DOCK2: variants seen among roughly 807,000 people sequenced by gnomAD.
DOCK2 encodes the protein dedicator of cytokinesis 2, also known as dedicator of cytokinesis protein 2.
In DOCK2, 87 loss-of-function variants were observed where a neutral mutation model predicts 248.9. The ratio of observed to expected loss-of-function variants is 0.35; its 90% CI spans 0.29 to 0.42. The LOEUF is 0.42. Among genes scored for constraint, DOCK2 ranks in the 10% least tolerant of loss-of-function variants. The pLI is 1.00. For synonymous variants in DOCK2, 805 were observed against 821.6 expected (o/e 0.98, Z 0.35); for missense variants, 1,747 against 2,300.2 (o/e 0.76, Z 4.92).
intron 30 of DOCK2, among the ~76,000 whole-genome samples, chr5:170,005,056 TTAAAG>T (rs1754974509): frequency 8.0e-6 from 1 of 124,324 alleles, no homozygotes; most frequent in South Asian, 2.4e-4. Flanking sequence ...ACCCTAAAAC[TTAAAG>T]TATAATAAAA....
intron 14 of DOCK2, chr5:169,703,809 G>C (rs1055472759): frequency 1.3e-5 from 2 of 152,188 alleles, no homozygotes; most frequent in Non-Finnish European, 2.9e-5. Flanking sequence ...TTATCTGAAA[G>C]GGAAATTGCA....
intron 27 of DOCK2, among the ~76,000 whole-genome samples, chr5:169,868,418 A>T (rs2113444854): frequency 6.6e-6 from 1 of 152,286 alleles, no homozygotes; most frequent in Non-Finnish European, 1.5e-5. Context: ...AACAATGACA[A>T]CAAACCAGCT....
intron 27 of DOCK2, among the ~76,000 whole-genome samples, chr5:169,868,886 C>T (rs1771765636): frequency 6.6e-6 from 1 of 152,148 alleles, no homozygotes; most frequent in Non-Finnish European, 1.5e-5. Context: ...AAGCCCAGCC[C>T]AACATAGAGG....
chr5:169,772,007 C>T (rs944907546), intron 25 of DOCK2, among the ~76,000 whole-genome samples: 3 of 152,196 alleles, frequency 2.0e-5, no homozygotes, highest in African/African-American at 7.2e-5. Context: ...GACAGTTTCT[C>T]CTTTCTCCAT....
intron 12 of DOCK2, 104 bp downstream of exon 12, chr5:169,699,562 C>T: frequency 9.0e-7 from 1 of 1,114,342 alleles, no homozygotes; most frequent in Non-Finnish European, 1.3e-6. Flanking sequence ...CTTAGCTTTC[C>T]TTCCAGACAG....
intron 27 of DOCK2, among the ~76,000 whole-genome samples, chr5:169,905,099 G>A (rs1484814395): frequency 6.6e-6 from 1 of 152,308 alleles, no homozygotes; most frequent in East Asian, 1.9e-4. Context: ...CAGTAAATAT[G>A]AGGTGCTGGC....
intron 47 of DOCK2, among the ~76,000 whole-genome samples, chr5:170,076,761 C>A (rs936945687): frequency 3.9e-5 from 6 of 152,198 alleles, no homozygotes; most frequent in African/African-American, 1.4e-4. Context: ...ACTGGAAGAA[C>A]CTACAGATGC....
At chr5:169,864,215 A>T in intron 27 of DOCK2, 1 of 1,435,986 alleles carries the variant, frequency 7.0e-7, no homozygotes, top group Non-Finnish European at 9.6e-7. Flanking sequence ...AGTGCAGTGG[A>T]TTTCCCATCT....
intron 22 of DOCK2, among the ~76,000 whole-genome samples, chr5:169,739,176 G>A (rs1471369629): frequency 3.9e-5 from 6 of 152,196 alleles, no homozygotes; most frequent in Non-Finnish European, 7.3e-5. Flanking sequence ...AAAGGATGAA[G>A]TTCAATGCTC....
chr5:169,996,207 C>T (rs776784779), intron 30 of DOCK2, 43 bp downstream of exon 30: 10 of 1,582,222 alleles, frequency 6.3e-6, no homozygotes, highest in African/African-American at 2.7e-5. Flanking sequence ...CTGCCCAGGG[C>T]GTCTCTGACA....
chr5:170,074,365 C>T (rs918716276), intron 46 of DOCK2, among the ~76,000 whole-genome samples: 1 of 152,094 alleles, frequency 6.6e-6, no homozygotes, highest in Non-Finnish European at 1.5e-5. Flanking sequence ...GACTTTCCTC[C>T]AGTGTCTGGT....
intron 26 of DOCK2, among the ~76,000 whole-genome samples, chr5:169,838,695 G>T (rs983911740): frequency 6.6e-6 from 1 of 152,180 alleles, no homozygotes; most frequent in Non-Finnish European, 1.5e-5. Flanking sequence ...CTGAAGTCTG[G>T]CTGCGCTTGA....
intron 36 of DOCK2, among the ~76,000 whole-genome samples, chr5:170,040,058 C>T (rs1197985668): frequency 6.6e-6 from 1 of 152,218 alleles, no homozygotes; most frequent in African/African-American, 2.4e-5. Context: ...TCAGTGCCGG[C>T]TACAGGCTAA....
At chr5:169,867,119 T>G (rs1034290746) in intron 27 of DOCK2, among the ~76,000 whole-genome samples, 1 of 152,206 alleles carries the variant, frequency 6.6e-6, no homozygotes, top group Non-Finnish European at 1.5e-5. Flanking sequence ...TGGTGTATCA[T>G]AAAGGATATT....
intron 27 of DOCK2, among the ~76,000 whole-genome samples, chr5:169,857,343 T>G (rs908150886): frequency 6.6e-6 from 1 of 152,222 alleles, no homozygotes; most frequent in Non-Finnish European, 1.5e-5. Context: ...AATGTGAAAC[T>G]GGACCATCAA....
intron 33 of DOCK2, among the ~76,000 whole-genome samples, chr5:170,020,348 C>T (rs1755679132): frequency 3.3e-5 from 5 of 152,206 alleles, no homozygotes; most frequent in African/African-American, 1.2e-4. Context: ...AAGGTCTTTT[C>T]TCCCCATTCC....
At chr5:169,883,658 G>C (rs1173475139) in intron 27 of DOCK2, 2 of 1,551,128 alleles carry the variant, frequency 1.3e-6, no homozygotes, top group Admixed American at 3.9e-5. Flanking sequence ...GGGAAGGAGA[G>C]CGAGTAGGTG....
intron 22 of DOCK2, among the ~76,000 whole-genome samples, chr5:169,737,875 G>A (rs1581119362): frequency 6.6e-6 from 1 of 152,314 alleles, no homozygotes; most frequent in East Asian, 1.9e-4. Context: ...AGTTCTGTGA[G>A]CAGCTCTAGC....
At chr5:169,653,664 C>T (rs1430503547) in intron 1 of DOCK2, among the ~76,000 whole-genome samples, 1 of 152,194 alleles carries the variant, frequency 6.6e-6, no homozygotes, top group Admixed American at 6.5e-5. Flanking sequence ...TCCTGTGGCC[C>T]CCATGCATGG....
Sources: gnomAD v4.1 joint callset for allele counts (sites outside exome capture counted in the v4.1 genomes callset) on GRCh38, gnomAD v4.1.1 for gene constraint, MANE v1.5 for transcripts, NCBI Gene and HGNC (gene_info 2026-07-23, HGNC 2026-07-21) for gene names.